TBC1D12: variants seen among roughly 807,000 people sequenced by gnomAD.
TBC1D12 encodes the protein TBC1 domain family, member 12.
In TBC1D12, 56 loss-of-function variants were observed where a neutral mutation model predicts 86.7. The ratio of observed to expected loss-of-function variants is 0.65; its 90% confidence interval spans 0.52 to 0.81. TBC1D12 has a LOEUF of 0.81. Ranked by LOEUF, TBC1D12 falls within the 30% of genes least tolerant of loss-of-function variation. The probability of loss-of-function intolerance (pLI) is 0.00; values close to 1 mark genes in which losing one functional copy is unlikely to be tolerated. For missense variants in TBC1D12, 1,023 were observed against 1,038.8 expected (o/e 0.98, Z 0.21); for synonymous variants, 421 against 411.7 (o/e 1.02, Z -0.27).
At chr10:94,440,727 C>T (rs2055369003) in intron 1 of TBC1D12, among the ~76,000 whole-genome samples, 1 of 152,154 alleles carries the variant, frequency 6.6e-6, no homozygotes, top group African/African-American at 2.4e-5. Context: ...GAGTTGAATT[C>T]ATCAGTACCT....
intron 11 of TBC1D12, among the ~76,000 whole-genome samples, chr10:94,529,475 G>A (rs1182735668): frequency 6.6e-6 from 1 of 152,092 alleles, no homozygotes; most frequent in African/African-American, 2.4e-5. Context: ...AAAATTAGCC[G>A]GGCGTGGTGG....
At chr10:94,485,921 C>T (rs2056153572) in intron 3 of TBC1D12, among the ~76,000 whole-genome samples, 3 of 152,092 alleles carry the variant, frequency 2.0e-5, no homozygotes, top group Non-Finnish European at 4.4e-5. Flanking sequence ...ATAGCAACCA[C>T]AAACGATCCT....
Position 94,527,082 on chromosome 10 carries a change from T to TTGTG in TBC1D12, c.2001-4099_2001-4096dup, listed in dbSNP as rs60647037. 2.3e-3 allele frequency among the ~76,000 whole-genome samples: 336 copies of TTGTG among 148,202 alleles called. 3 individuals carry two copies. The highest frequency in any genetic ancestry group is 4.4e-3 in the African/African-American group (176 of 40,042). On this transcript the variant is annotated intron_variant, in intron 11 of 12. Coordinates refer to ENST00000225235, the MANE Select transcript of TBC1D12 (RefSeq NM_015188.2). ...TTTGCCCATTTTTTAGCTGGATTGA[T>TTGTG]TGTGTGTGTGTGTGTGTGTGTGTGA...
At chr10:94,527,500 GTT>G (rs34075470) in intron 11 of TBC1D12, among the ~76,000 whole-genome samples, 123 of 148,560 alleles carry the variant, frequency 8.3e-4, no homozygotes, top group African/African-American at 1.5e-3. Context: ...ATTCTGTGGG[GTT>G]TTTTTTTTTA....
At chr10:94,496,971 T>C in intron 4 of TBC1D12, 84 bp from the exon 5 acceptor site, 1 of 684,108 alleles carries the variant, frequency 1.5e-6, no homozygotes. Context: ...TGAGAAAGTC[T>C]ATTTTGTAGA....
intron 11 of TBC1D12, among the ~76,000 whole-genome samples, chr10:94,527,429 T>G (rs923014703): frequency 5.9e-5 from 9 of 151,554 alleles, no homozygotes; most frequent in African/African-American, 2.2e-4. Flanking sequence ...ATATTTAAGT[T>G]CCTCATAGAT....
intron 9 of TBC1D12, among the ~76,000 whole-genome samples, chr10:94,513,473 T>C (rs1217076687): frequency 6.6e-6 from 1 of 152,226 alleles, no homozygotes; most frequent in Non-Finnish European, 1.5e-5. Context: ...ACATATATCA[T>C]AGTCCATTTA....
At chr10:94,495,759 C>T (rs2134180703) in intron 4 of TBC1D12, among the ~76,000 whole-genome samples, 1 of 151,836 alleles carries the variant, frequency 6.6e-6, no homozygotes, top group Non-Finnish European at 1.5e-5. Context: ...GTGGAACATT[C>T]TCCCAAGAAA....
chr10:94,493,013 T>C (rs1331101456), intron 3 of TBC1D12, among the ~76,000 whole-genome samples: 1 of 152,182 alleles, frequency 6.6e-6, no homozygotes, highest in African/African-American at 2.4e-5. Flanking sequence ...ATCCCAGCAC[T>C]TTGGGAGGCT....
chr10:94,533,068 A>G lies in TBC1D12; in HGVS notation c.2300A>G (p.Lys767Arg). ...SVMKDIKEGD[K>R]NSSPALKS ...ATGAAGGATATTAAAGAAGGAGACA[A>G]GAACAGTAGTCCTGCTTTGAAAAGC... The change falls in exon 13 of 13, where the codon AAG becomes AGG. Residue 767 changes from lysine (K) to arginine (R), a missense_variant. This residue lies in a region of TBC1D12 where 395 missense variants were observed against 507.7 expected (regional missense o/e 0.78). Transcript: ENST00000225235. The G allele has an allele frequency of 6.3e-7, 1 of 1,596,528 alleles. No individual in the cohort carries two copies. The highest frequency in any genetic ancestry group is 1.1e-5 in the South Asian group (1 of 87,794).
intron 3 of TBC1D12, among the ~76,000 whole-genome samples, chr10:94,483,209 G>A (rs919332699): frequency 6.6e-6 from 1 of 152,072 alleles, no homozygotes; most frequent in Non-Finnish European, 1.5e-5. Flanking sequence ...TGTGAATAGT[G>A]CAGCAATAAA....
chr10:94,448,987 T>C lies in TBC1D12; in HGVS notation c.1095+6968T>C, dbSNP rs567019009. ...TGTGGTCTAAAGATTGGAGAGGTACTAGTAATATTTCTGGGCCTATGCTTC... is the reference window on the plus strand; with the variant it reads ...TGTGGTCTAAAGATTGGAGAGGTACCAGTAATATTTCTGGGCCTATGCTTC... On this transcript the variant is annotated intron_variant, in intron 2 of 12. Transcript: ENST00000225235. Among the ~76,000 whole-genome samples the C allele has an allele frequency of 3.9e-5, 6 of 152,294 alleles. No individual in the cohort carries two copies. The South Asian group carries it at 1.2e-3, about 32-fold the overall frequency.
At position 94,533,547 on chromosome 10, in the gene TBC1D12, G is replaced by A. The variant is rs980410294; in HGVS notation, c.*451G>A. ...GTTCTGACCTTTTGAAGATATTATA[G>A]ACCAGTAATGAACAGATTTGGTTGT... On this transcript the variant is annotated 3_prime_UTR_variant, in exon 13 of 13. Coordinates refer to ENST00000225235, the MANE Select transcript of TBC1D12 (RefSeq NM_015188.2). 2.0e-5 allele frequency: 3 copies of A among 152,840 alleles called. No homozygotes were observed. Among genetic ancestry groups the A allele is most frequent in the African/African-American group, 7.2e-5 (3 of 41,432 alleles). The allele number at this position is 152,840 out of a possible 1,614,324, so 9.5% of individuals were successfully genotyped here.
chr10:94,463,257 A>T (rs958716269), intron 2 of TBC1D12, among the ~76,000 whole-genome samples: 1 of 152,202 alleles, frequency 6.6e-6, no homozygotes, highest in African/African-American at 2.4e-5. Flanking sequence ...ATAACAGAAT[A>T]TTGGAAACTG....
Position 94,522,446 on chromosome 10 carries a change from A to G in TBC1D12, c.1993A>G (p.Ile665Val). 1 of 1,239,044 alleles carries G rather than the reference A, an allele frequency of 8.1e-7. No individual in the cohort carries two copies. Among genetic ancestry groups the G allele is most frequent in the Non-Finnish European group, 1.1e-6 (1 of 888,160 alleles). The allele number at this position is 1,239,044 out of a possible 1,614,324, so 76.8% of individuals were successfully genotyped here. ...SYSLTPDIYL[I>V]DWIFTLYSKS... is the part of the protein sequence containing the mutation. ...CAGTCTTACACCAGATATATACTTG[A>G]TAGACTGGTAAGTCATAACATACGT... Residue 665 changes from isoleucine (I) to valine (V), a missense_variant, in exon 11 of 13, where the codon ATA becomes GTA. Ile to Val is a conservative substitution (Grantham distance 29). Coordinates refer to ENST00000225235, the MANE Select transcript of TBC1D12 (RefSeq NM_015188.2).
chr10:94,476,350 A>G (rs141083664), intron 3 of TBC1D12, among the ~76,000 whole-genome samples: 3 of 152,286 alleles, frequency 2.0e-5, no homozygotes, highest in African/African-American at 7.2e-5. Context: ...TGTGGTCCCA[A>G]TGCTCCTCTT....
At chr10:94,479,967 C>T (rs2056052107) in intron 3 of TBC1D12, among the ~76,000 whole-genome samples, 1 of 152,104 alleles carries the variant, frequency 6.6e-6, no homozygotes, top group African/African-American at 2.4e-5. Context: ...TCATGGTGAC[C>T]TTATGCTAAC....
chr10:94,465,834 G>GCATA (rs1279344689), intron 2 of TBC1D12, among the ~76,000 whole-genome samples: 4 of 150,048 alleles, frequency 2.7e-5, no homozygotes, highest in African/African-American at 9.8e-5. Context: ...ATACGTATAC[G>GCATA]CATACATATA....
chr10:94,436,966 A>G (rs11187949), intron 1 of TBC1D12, among the ~76,000 whole-genome samples: 31,137 of 151,836 alleles, frequency 0.21, 3,340 homozygotes, highest in South Asian at 0.35. Flanking sequence ...TTGGCCTCCC[A>G]AAGTGCTGGG....
Sources: gnomAD v4.1 joint callset for allele counts (sites outside exome capture counted in the v4.1 genomes callset) on GRCh38, gnomAD v4.1.1 for gene constraint, gnomAD v4.1.1 regional missense constraint, MANE v1.5 for transcripts, NCBI Gene and HGNC (gene_info 2026-07-23, HGNC 2026-07-21) for gene names.